The following SNRPN variants were observed in gnomAD, a reference collection of about 807,000 sequenced individuals.
SNRPN encodes the protein small nuclear ribonucleoprotein polypeptide N.
In SNRPN, 7 loss-of-function variants were observed where a neutral mutation model predicts 25.2. The ratio of observed to expected loss-of-function variants is 0.28; its 90% CI spans 0.16 to 0.52. SNRPN has a LOEUF of 0.52. SNRPN is among the 20% of genes least tolerant of loss of function. The probability of loss-of-function intolerance (pLI) is 0.96; values close to 1 mark genes in which losing one functional copy is unlikely to be tolerated. For missense variants in SNRPN, 196 were observed against 322.5 expected, an observed-to-expected ratio of 0.61 and a Z score of 3.00; for synonymous variants, 124 against 110.6, an observed-to-expected ratio of 1.12 and a Z score of -0.76.
At chr15:24,888,112 C>CTCTTTTT (rs2057352446) in intron 2 of SNRPN, among the ~76,000 whole-genome samples, 1 of 139,900 alleles carries the variant, frequency 7.1e-6, no homozygotes, top group Non-Finnish European at 1.5e-5. Context: ...TTAGAAATGA[C>CTCTTTTT]TTTTTTTTTT....
rs181911918 is a variant in SNRPN at position 24,829,623 on chromosome 15, A to G, written c.-686-175A>G. Among the ~76,000 whole-genome samples the G allele has an allele frequency of 3.9e-5, 6 of 152,146 alleles. No homozygotes were observed. In the East Asian group the frequency reaches 1.2e-3, roughly 29 times the overall value. On this transcript the variant is annotated intron_variant, in intron 1 of 12. Coordinates refer to the SNRPN transcript ENST00000400100. ...GGGATTTGAATGTCTCAGTTCTTTTATGAAATGTTATCCCCAATCCATGAG... is the reference window on the plus strand; with the variant it reads ...GGGATTTGAATGTCTCAGTTCTTTTGTGAAATGTTATCCCCAATCCATGAG...
intron 1 of SNRPN, among the ~76,000 whole-genome samples, chr15:24,961,889 T>G (rs557279484): frequency 6.6e-6 from 1 of 152,160 alleles, no homozygotes; most frequent in Non-Finnish European, 1.5e-5. Flanking sequence ...TGATTTTTTT[T>G]AAAACCAGAT....
chr15:24,953,896 T>C (rs1035796808), upstream of SNRPN, among the ~76,000 whole-genome samples: 9 of 152,202 alleles, frequency 5.9e-5, no homozygotes, highest in Admixed American at 5.2e-4. Flanking sequence ...GAAGTCAGCA[T>C]TGATAAGCCT....
Position 24,974,367 on chromosome 15 carries a change from C to A in SNRPN, c.-87C>A. ...CTTGCATTGTTTCTAGGAGAACCTGCGTCATACCTTTATCTATAGCCTTCC... is the reference window on the plus strand; with the variant it reads ...CTTGCATTGTTTCTAGGAGAACCTGAGTCATACCTTTATCTATAGCCTTCC... On this transcript the variant is annotated 5_prime_UTR_variant, in exon 4 of 10. Coordinates refer to ENST00000390687, the MANE Select transcript of SNRPN (RefSeq NM_003097.6). The A allele has an allele frequency of 8.0e-7, 1 of 1,254,316 alleles. No individual in the cohort carries two copies. The highest frequency in any genetic ancestry group is 1.2e-6 in the Non-Finnish European group (1 of 851,936). The allele number at this position is 1,254,316 out of a possible 1,614,324, so 77.7% of individuals were successfully genotyped here.
chr15:24,913,060 C>T (rs2152265827), intron 2 of SNRPN, among the ~76,000 whole-genome samples: 1 of 152,250 alleles, frequency 6.6e-6, no homozygotes, highest in East Asian at 1.9e-4. Flanking sequence ...CTGCCTCAGC[C>T]TCCTGAGTAG....
intron 2 of SNRPN, among the ~76,000 whole-genome samples, chr15:24,914,725 A>G (rs2059415515): frequency 6.6e-6 from 1 of 152,138 alleles, no homozygotes; most frequent in Admixed American, 6.6e-5. Context: ...TGAGAGGTCC[A>G]GGGGACCAAA....
intron 1 of SNRPN, among the ~76,000 whole-genome samples, chr15:24,827,515 CAAAA>C (rs58393593): frequency 7.2e-5 from 7 of 96,760 alleles, no homozygotes; most frequent in Non-Finnish European, 1.0e-4. Flanking sequence ...GACTCTGTCT[CAAAA>C]AAAAAAAAAA....
At chr15:24,833,808 C>T (rs752250391) in intron 2 of SNRPN, among the ~76,000 whole-genome samples, 4 of 152,128 alleles carry the variant, frequency 2.6e-5, no homozygotes, top group Non-Finnish European at 5.9e-5. Context: ...TCTCTTGGAG[C>T]TGACCTCAAA....
At chr15:24,933,356 A>C (rs1269255888) in intron 3 of SNRPN, among the ~76,000 whole-genome samples, 1 of 151,730 alleles carries the variant, frequency 6.6e-6, no homozygotes, top group East Asian at 1.9e-4. Context: ...AAAAAAAAAC[A>C]ATCAGACATA....
chr15:24,977,087 G>A (rs745943751), intron 7 of SNRPN, 58 bp downstream of exon 7: 27 of 1,416,358 alleles, frequency 1.9e-5, no homozygotes, highest in African/African-American at 1.0e-4. Flanking sequence ...GCCGGAGGCC[G>A]AGGAGATTTA....
intron 2 of SNRPN, among the ~76,000 whole-genome samples, chr15:24,964,590 G>T (rs970002674): frequency 6.6e-6 from 1 of 152,056 alleles, no homozygotes; most frequent in African/African-American, 2.4e-5. Context: ...GAGCCACTGC[G>T]CCCAGCCTCT....
chr15:24,901,179 T>A (rs112478341), intron 2 of SNRPN, among the ~76,000 whole-genome samples: 1,669 of 152,292 alleles, frequency 0.011, 31 homozygotes, highest in African/African-American at 0.035. Context: ...TCCTTGGTAT[T>A]GCCGTCTTAG....
At chr15:24,901,325 C>G (rs1275723749) in intron 2 of SNRPN, among the ~76,000 whole-genome samples, 1 of 152,142 alleles carries the variant, frequency 6.6e-6, no homozygotes, top group East Asian at 1.9e-4. Context: ...TTGGTGGTAG[C>G]TAACTGATCA....
Position 24,834,751 on chromosome 15 carries a change from C to CTCTA in SNRPN, c.-579+4847_-579+4848insCTAT. 6.6e-4 allele frequency among the ~76,000 whole-genome samples: 40 copies of CTCTA among 60,954 alleles called. 1 individual carries two copies. The South Asian group carries it at 7.7e-3, about 12-fold the overall frequency. The allele number at this position is 60,954 out of a possible 152,430, so 40.0% of individuals were successfully genotyped here. A position where few individuals can be genotyped will look rare whatever the true frequency, so the allele number is the denominator to read the frequency against. ...TCCCTCTCTCTCTCTCTCTCTCTCT[C>CTCTA]TATATATATATATATATATATATAT... On this transcript the variant is annotated intron_variant, in intron 2 of 12. Transcript: ENST00000400100.
At chr15:24,855,869 T>C (rs1417361801), upstream of SNRPN, among the ~76,000 whole-genome samples, 1 of 151,652 alleles carries the variant, frequency 6.6e-6, no homozygotes, top group Non-Finnish European at 1.5e-5. Context: ...CTGTGTTAAA[T>C]TGATTTAATA....
At chr15:24,964,520 C>T (rs775515359) in intron 2 of SNRPN, among the ~76,000 whole-genome samples, 5 of 152,110 alleles carry the variant, frequency 3.3e-5, no homozygotes, top group Non-Finnish European at 7.3e-5. Context: ...GCTCGAACTC[C>T]CGACCTCAGA....
At chr15:24,918,326 C>T (rs1271050109) in intron 2 of SNRPN, among the ~76,000 whole-genome samples, 1 of 97,810 alleles carries the variant, frequency 1.0e-5, no homozygotes. Context: ...ATATATATAA[C>T]ATAATATATA....
At chr15:24,871,278 C>T (rs554797322) in intron 1 of SNRPN, among the ~76,000 whole-genome samples, 5 of 152,040 alleles carry the variant, frequency 3.3e-5, no homozygotes, top group South Asian at 4.1e-4. Context: ...TATGATGTAG[C>T]GACCATGCAG....
rs1438887489 is a variant in SNRPN at position 24,862,326 on chromosome 15, G to A, written c.-579+5610G>A. Reference sequence around the variant, plus strand: ...GGACAGATGAGGTAGAAGCAGCATGGCCCATGAGAGGGGCTCTGCAGTGGA... The same window carrying A: ...GGACAGATGAGGTAGAAGCAGCATGACCCATGAGAGGGGCTCTGCAGTGGA... On this transcript the variant is annotated intron_variant, in intron 1 of 11. Transcript: ENST00000400097. 8.6e-5 allele frequency among the ~76,000 whole-genome samples: 13 copies of A among 150,944 alleles called. 1 individual carries two copies. Among genetic ancestry groups the A allele is most frequent in the Admixed American group, 8.5e-4 (13 of 15,226 alleles).
Sources: allele counts gnomAD v4.1 joint callset (sites outside exome capture counted in the v4.1 genomes callset), GRCh38; gene constraint gnomAD v4.1.1; transcripts MANE v1.5; gene names NCBI Gene and HGNC (gene_info 2026-07-23, HGNC 2026-07-21).